The following LDB1 variants were observed in gnomAD, a reference collection of about 807,000 sequenced individuals.
LDB1 encodes the protein LIM domain binding 1.
A neutral mutation model predicts 49.7 loss-of-function variants in LDB1; 6 were observed. That is an observed-to-expected ratio of 0.12 (90% CI 0.07 to 0.24). LDB1 has a LOEUF of 0.24. LDB1 is among the 10% of genes least tolerant of loss of function. The pLI is 1.00. For missense variants in LDB1, 341 were observed against 561.7 expected, an observed-to-expected ratio of 0.61 and a Z score of 3.97; for synonymous variants, 233 against 202.0, an observed-to-expected ratio of 1.15 and a Z score of -1.30.
chr10:102,107,227 G>A lies in LDB1; in HGVS notation c.*866C>T, dbSNP rs1299621888. ...TGTAAGGAATATACATACCATGGGGGTGGGGCTGGAAGAGAGGGAGTCACA... is the reference window on the plus strand; with the variant it reads ...TGTAAGGAATATACATACCATGGGGATGGGGCTGGAAGAGAGGGAGTCACA... On this transcript the variant is annotated 3_prime_UTR_variant, in exon 11 of 11. Transcript: ENST00000673968. Among the ~76,000 whole-genome samples the A allele has an allele frequency of 6.6e-6, 1 of 152,124 alleles. No homozygotes were observed. The highest frequency in any genetic ancestry group is 2.1e-4 in the South Asian group (1 of 4,830).
At position 102,111,542 on chromosome 10, in the gene LDB1, C is replaced by G. The variant is rs939978009; in HGVS notation, c.26-6G>C. 1.3e-6 allele frequency: 2 copies of G among 1,514,042 alleles called. No homozygotes were observed. The highest frequency in any genetic ancestry group is 1.3e-5 in the South Asian group (1 of 75,234). The allele number at this position is 1,514,042 out of a possible 1,614,324, so 93.8% of individuals were successfully genotyped here. ...GAATGACTTTGAGGAACAACCTAGACGAGAAAGAAAGGAGTCATAGCTGGG... is the reference window on the plus strand; with the variant it reads ...GAATGACTTTGAGGAACAACCTAGAGGAGAAAGAAAGGAGTCATAGCTGGG... On this transcript the variant is annotated splice_polypyrimidine_tract_variant and splice_region_variant and intron_variant, in intron 1 of 10. Coordinates refer to ENST00000673968, the MANE Select transcript of LDB1 (RefSeq NM_001113407.3).
chr10:102,115,814 TC>T (rs35398062), intron 1 of LDB1, among the ~76,000 whole-genome samples: 11,753 of 152,232 alleles, frequency 0.077, 597 homozygotes, highest in Non-Finnish European at 0.12. Flanking sequence ...CTATTTTTTT[TC>T]CTAAGGTAAT....
chr10:102,111,646 G>T, intron 1 of LDB1, 110 bp from the exon 2 acceptor site: 1 of 613,148 alleles, frequency 1.6e-6, no homozygotes, highest in Non-Finnish European at 2.8e-6. Context: ...GGTCGAGGCT[G>T]CAGGGACCAG....
chr10:102,109,977 G>A lies in LDB1; in HGVS notation c.592C>T (p.His198Tyr). The change falls in exon 7 of 11, where the codon CAC becomes TAC. Residue 198 changes from histidine (H) to tyrosine (Y), a missense_variant. His to Tyr is a moderately conservative substitution (Grantham distance 83, BLOSUM62 2). Transcript: ENST00000673968. This position sits in a 1 kb window ranked among gnomAD's most constrained non-coding sequence, Gnocchi z 5.8. ...TCTCGGTGCTGCCGGATGCTGAAGTGCCACGTCTTTATCCGCATCATGTCG... is the reference window on the plus strand; with the variant it reads ...TCTCGGTGCTGCCGGATGCTGAAGTACCACGTCTTTATCCGCATCATGTCG... ...FDDMMRIKTWHFSIRQHRELI... is the reference protein window; with the variant it reads ...FDDMMRIKTWYFSIRQHRELI... The A allele has an allele frequency of 6.2e-7, 1 of 1,612,092 alleles. No homozygotes were observed. Among genetic ancestry groups the A allele is most frequent in the Non-Finnish European group, 8.5e-7 (1 of 1,179,692 alleles).
intron 1 of LDB1, among the ~76,000 whole-genome samples, chr10:102,115,913 TAC>T (rs766185658): frequency 6.0e-5 from 9 of 150,012 alleles, no homozygotes; most frequent in South Asian, 4.2e-4. Context: ...AAATACATAG[TAC>T]ACACACACAC....
In LDB1 at chr10:102,118,992, G is replaced by C. The variant is rs1197122272; in HGVS notation, c.25+1094C>G. Among the ~76,000 whole-genome samples, 6 of 152,338 alleles carry C rather than the reference G, an allele frequency of 3.9e-5. No homozygotes were observed. In the East Asian group the frequency reaches 9.6e-4, roughly 24 times the overall value. ...ATCAGCCTCAGCAGGCACCTGAAGT[G>C]TGTGCCCAGCCCAGCTTGGCCTGGG... On this transcript the variant is annotated intron_variant, in intron 1 of 10. Coordinates refer to ENST00000673968, the MANE Select transcript of LDB1 (RefSeq NM_001113407.3).
At position 102,117,242 on chromosome 10, in the gene LDB1, G is replaced by GC. The variant is rs1172101124; in HGVS notation, c.25+2843dup. On this transcript the variant is annotated intron_variant, in intron 1 of 10. Transcript: ENST00000673968. This position sits in a 1 kb window ranked among gnomAD's most constrained non-coding sequence, Gnocchi z 4.2. ...TCCAGTCTCGCTGTGGGGTGGAGGG[G>GC]CCCCTAAATGCCAAGATGTATCGAC... is the stretch of plus-strand genomic sequence containing the variant. Among the ~76,000 whole-genome samples the GC allele has an allele frequency of 6.6e-6, 1 of 152,272 alleles. No homozygotes were observed. The highest frequency in any genetic ancestry group is 1.5e-5 in the Non-Finnish European group (1 of 68,024).
At position 102,110,583 on chromosome 10, in the gene LDB1, G is replaced by A. The variant is rs779630677; in HGVS notation, c.471C>T (p.Leu157=). ...KEAFHSNFVS[L]DCDQGSMVTQ... ...TCACCATGCTGCCCTGGTCACAGTCGAGGGACACAAAGTTGCTGTGGAATG... is the reference window on the plus strand; with the variant it reads ...TCACCATGCTGCCCTGGTCACAGTCAAGGGACACAAAGTTGCTGTGGAATG... Residue 157 remains leucine (L), a synonymous_variant, in exon 6 of 11, where the codon CTC becomes CTT. Transcript: ENST00000673968. The A allele has an allele frequency of 2.2e-5, 36 of 1,613,890 alleles. No individual in the cohort carries two copies. Among genetic ancestry groups the A allele is most frequent in the Admixed American group, 3.3e-5 (2 of 59,950 alleles).
chr10:102,117,440 T>C lies in LDB1; in HGVS notation c.25+2646A>G, dbSNP rs2068348179. On this transcript the variant is annotated intron_variant, in intron 1 of 10. Coordinates refer to ENST00000673968, the MANE Select transcript of LDB1 (RefSeq NM_001113407.3). This position sits in a 1 kb window ranked among gnomAD's most constrained non-coding sequence, Gnocchi z 4.2. ...GTGAGGTGGAGGGAGCAGCAAATAA[T>C]GACAAAGATGATGAGGGAAAGTACT... Among the ~76,000 whole-genome samples, 1 of 151,998 alleles carries C rather than the reference T, an allele frequency of 6.6e-6. No homozygotes were observed.
In LDB1 at chr10:102,109,363, G is replaced by A. The variant is rs370709634; in HGVS notation, c.856+21C>T. 5.6e-5 allele frequency: 90 copies of A among 1,613,682 alleles called. No individual in the cohort carries two copies. The highest frequency in any genetic ancestry group is 1.7e-4 in the Middle Eastern group (1 of 5,798). On this transcript the variant is annotated intron_variant, in intron 9 of 10. Coordinates refer to ENST00000673968, the MANE Select transcript of LDB1 (RefSeq NM_001113407.3). This position sits in a 1 kb window ranked among gnomAD's most constrained non-coding sequence, Gnocchi z 5.8. Reference sequence around the variant, plus strand: ...GGGGAGCGGTGTGAGATCCTGGTAAGAGCAGGTGCAAGGCACTCACCAGGG... The same window carrying A: ...GGGGAGCGGTGTGAGATCCTGGTAAAAGCAGGTGCAAGGCACTCACCAGGG...
chr10:102,120,227 C>CCGGCCCGGCCT lies in LDB1; in HGVS notation c.-128_-118dup, dbSNP rs2068399870. On this transcript the variant is annotated 5_prime_UTR_variant, in exon 1 of 11. Transcript: ENST00000673968. ...GGCCCCCGCTGCGCTCGCCGCCGGC[C>CCGGCCCGGCCT]CGGCCCGGCCTCGGCCCGGTGCGGG... 3.0e-6 allele frequency: 3 copies of CCGGCCCGGCCT among 984,900 alleles called. No individual in the cohort carries two copies. Among genetic ancestry groups the CCGGCCCGGCCT allele is most frequent in the Non-Finnish European group, 2.4e-6 (2 of 830,534 alleles). The allele number at this position is 984,900 out of a possible 1,614,324, so 61.0% of individuals were successfully genotyped here.
Position 102,107,988 on chromosome 10 carries a change from G to C in LDB1, c.*105C>G. On this transcript the variant is annotated 3_prime_UTR_variant, in exon 11 of 11. Coordinates refer to ENST00000673968, the MANE Select transcript of LDB1 (RefSeq NM_001113407.3). The stretch of plus-strand genomic sequence containing the variant: ...TCCTCCCTGAAGCGGGTGGATGGAG[G>C]CTGCCCATTTTAGATGCTCAGTCTC... 1.1e-6 allele frequency: 1 copy of C among 915,520 alleles called. No homozygotes were observed. The highest frequency in any genetic ancestry group is 1.7e-6 in the Non-Finnish European group (1 of 576,658). The allele number at this position is 915,520 out of a possible 1,614,324, so 56.7% of individuals were successfully genotyped here.
intron 1 of LDB1, chr10:102,114,820 G>GC (rs2068312137): frequency 7.2e-6 from 1 of 139,796 alleles, no homozygotes; most frequent in Admixed American, 1.8e-4. Context: ...CAGCCCGCCC[G>GC]CCCTCCCCAG....
downstream of LDB1, among the ~76,000 whole-genome samples, chr10:102,105,347 C>G (rs1050140419): frequency 1.3e-5 from 2 of 152,152 alleles, no homozygotes; most frequent in Non-Finnish European, 2.9e-5. Context: ...GCCAAGATAA[C>G]TGTAGATTGG....
intron 1 of LDB1, among the ~76,000 whole-genome samples, chr10:102,116,486 C>T (rs1341384815): frequency 2.0e-5 from 3 of 152,094 alleles, no homozygotes; most frequent in African/African-American, 7.2e-5. Context: ...TGGCCATCAA[C>T]CTGTGATATA....
Position 102,114,669 on chromosome 10 carries a change from G to T in LDB1, c.26-3133C>A. 6 of 879,290 alleles carry T rather than the reference G, an allele frequency of 6.8e-6. No homozygotes were observed. The African/African-American group carries it at 7.2e-5, about 11-fold the overall frequency. 54.5% of individuals were successfully genotyped at this position (879,290 alleles called of 1,614,324 possible). ...GGCCGGGGGCCAGGGGGCCGGCCTG[G>T]GGGGCGGGGGGCCGCGGGGAGTCCG... On this transcript the variant is annotated intron_variant, in intron 1 of 10. Coordinates refer to ENST00000673968, the MANE Select transcript of LDB1 (RefSeq NM_001113407.3).
chr10:102,110,732 A>G, intron 5 of LDB1, 31 bp from the exon 6 acceptor site: 1 of 1,604,110 alleles, frequency 6.2e-7, no homozygotes, highest in East Asian at 2.2e-5. Flanking sequence ...CTTCAGGACA[A>G]AGGGACCGCA....
Position 102,109,299 on chromosome 10 carries a change from G to A in LDB1, c.856+85C>T. 6.2e-7 allele frequency: 1 copy of A among 1,604,362 alleles called. No homozygotes were observed. The highest frequency in any genetic ancestry group is 8.5e-7 in the Non-Finnish European group (1 of 1,174,494). On this transcript the variant is annotated intron_variant, in intron 9 of 10. Coordinates refer to ENST00000673968, the MANE Select transcript of LDB1 (RefSeq NM_001113407.3). The surrounding 1 kb of genome is among the most constrained non-coding windows in gnomAD (Gnocchi z 5.8). ...TTTGTAGACCCGGGAACAAGGAAGGGGTGGGGAAAACTTCAAAAGGAAATA... is the reference window on the plus strand; with the variant it reads ...TTTGTAGACCCGGGAACAAGGAAGGAGTGGGGAAAACTTCAAAAGGAAATA...
Position 102,107,976 on chromosome 10 carries a change from G to C in LDB1, c.*117C>G, listed in dbSNP as rs576827591. On this transcript the variant is annotated 3_prime_UTR_variant, in exon 11 of 11. Coordinates refer to ENST00000673968, the MANE Select transcript of LDB1 (RefSeq NM_001113407.3). ...AGAGAGTCCAGTTCCTCCCTGAAGC[G>C]GGTGGATGGAGGCTGCCCATTTTAG... 2.4e-6 allele frequency: 2 copies of C among 833,722 alleles called. No homozygotes were observed. The highest frequency in any genetic ancestry group is 1.5e-5 in the South Asian group (1 of 64,634). The allele number at this position is 833,722 out of a possible 1,614,324, so 51.6% of individuals were successfully genotyped here.
Sources: gnomAD v4.1 joint callset for allele counts (sites outside exome capture counted in the v4.1 genomes callset) on GRCh38, gnomAD v4.1.1 for gene constraint, Gnocchi (gnomAD v3.1) non-coding constraint, MANE v1.5 for transcripts, NCBI Gene and HGNC (gene_info 2026-07-23, HGNC 2026-07-21) for gene names.